The following HSD17B12 variants were observed in gnomAD, a reference collection of about 807,000 sequenced individuals.
HSD17B12 encodes the protein very-long-chain 3-oxoacyl-CoA reductase.
In HSD17B12, 32 loss-of-function variants were observed where a neutral mutation model predicts 39.3. The observed-to-expected ratio is 0.81, with a 90% CI of 0.61 to 1.09. HSD17B12 has a LOEUF of 1.09. Among genes scored for constraint, HSD17B12 ranks in the 50% least tolerant of loss-of-function variants. The probability of loss-of-function intolerance (pLI) is 0.00; values close to 1 mark genes in which losing one functional copy is unlikely to be tolerated. For missense variants in HSD17B12, 342 were observed against 382.9 expected, an observed-to-expected ratio of 0.89 and a Z score of 0.89; for synonymous variants, 150 against 146.7, an observed-to-expected ratio of 1.02 and a Z score of -0.16.
At chr11:43,585,852 C>T in the HSD17B12 span, among the ~76,000 whole-genome samples, 3 of 152,080 alleles carry the variant, frequency 2.0e-5, no homozygotes, top group East Asian at 1.9e-4. Context: ...TGGTGGGAGT[C>T]GGGTGGTGAT....
At chr11:43,637,764 T>C in the HSD17B12 span, among the ~76,000 whole-genome samples, 2 of 152,212 alleles carry the variant, frequency 1.3e-5, no homozygotes, top group African/African-American at 2.4e-5. Flanking sequence ...AGAAACACAG[T>C]GTCCATGAGC....
At chr11:43,642,609 A>G in the HSD17B12 span, among the ~76,000 whole-genome samples, 2 of 151,836 alleles carry the variant, frequency 1.3e-5, no homozygotes, top group Non-Finnish European at 3.0e-5. Context: ...AGAATAATAT[A>G]TAAAATACGC....
At chr11:43,839,804 A>C (rs1477115192) in intron 8 of HSD17B12, among the ~76,000 whole-genome samples, 195 bp from the exon 9 acceptor site, 1 of 152,192 alleles carries the variant, frequency 6.6e-6, no homozygotes, top group African/African-American at 2.4e-5. Context: ...GTAATATAAT[A>C]CTTCATTTAG....
intron 1 of HSD17B12, among the ~76,000 whole-genome samples, chr11:43,726,605 AGT>A (rs1300171958): frequency 6.6e-6 from 1 of 152,126 alleles, no homozygotes; most frequent in African/African-American, 2.4e-5. Flanking sequence ...TCATAGGGAG[AGT>A]GTCTTTTGTT....
intron 1 of HSD17B12, among the ~76,000 whole-genome samples, chr11:43,693,622 C>G: frequency 6.6e-6 from 1 of 152,070 alleles, no homozygotes; most frequent in South Asian, 2.1e-4. Context: ...CACTTAATTC[C>G]CAAGGAAATA....
Position 43,789,014 on chromosome 11 carries a change from T to C in HSD17B12, c.284-9306T>C, listed in dbSNP as rs935445239. ...ACCTCCACCAGCTGTCTTCTACGAA[T>C]TTTCTTTCCGCTTCTCTGTGCCATC... On this transcript the variant is annotated intron_variant, in intron 3 of 10. Coordinates refer to ENST00000278353, the MANE Select transcript of HSD17B12 (RefSeq NM_016142.3). Among the ~76,000 whole-genome samples the C allele has an allele frequency of 3.3e-5, 5 of 152,318 alleles. No individual in the cohort carries two copies. In the East Asian group the frequency reaches 9.6e-4, roughly 29 times the overall value.
chr11:43,560,910 AT>A, the HSD17B12 span, among the ~76,000 whole-genome samples: 1 of 152,138 alleles, frequency 6.6e-6, no homozygotes, highest in Admixed American at 6.5e-5. Flanking sequence ...CAAGCGAATA[AT>A]TGAATCCGCA....
the HSD17B12 span, among the ~76,000 whole-genome samples, chr11:43,651,863 CT>C: frequency 6.6e-6 from 1 of 152,208 alleles, no homozygotes; most frequent in Non-Finnish European, 1.5e-5. Flanking sequence ...CAGGCATGAG[CT>C]ACTGTGCTCA....
At chr11:43,596,169 G>A in the HSD17B12 span, among the ~76,000 whole-genome samples, 2 of 152,110 alleles carry the variant, frequency 1.3e-5, no homozygotes, top group African/African-American at 4.8e-5. Context: ...AGCATTACAG[G>A]AGTGAGCCAC....
chr11:43,659,485 C>T, the HSD17B12 span, among the ~76,000 whole-genome samples: 1 of 152,322 alleles, frequency 6.6e-6, no homozygotes, highest in African/African-American at 2.4e-5. Context: ...CTGCATCGCT[C>T]ACGCTGGGAG....
chr11:43,709,765 C>T (rs1565057923), intron 1 of HSD17B12, among the ~76,000 whole-genome samples: 1 of 152,192 alleles, frequency 6.6e-6, no homozygotes, highest in Admixed American at 6.5e-5. Context: ...TATGAATTGA[C>T]TATGACTCCC....
intron 1 of HSD17B12, among the ~76,000 whole-genome samples, chr11:43,716,150 C>A (rs951397297): frequency 6.6e-6 from 1 of 152,120 alleles, no homozygotes; most frequent in South Asian, 2.1e-4. Flanking sequence ...GATTAAATTG[C>A]ATTTGCCCTT....
Position 43,808,312 on chromosome 11 carries a change from G to T in HSD17B12, c.392-7125G>T, listed in dbSNP as rs535616561. 1.4e-3 allele frequency among the ~76,000 whole-genome samples: 208 copies of T among 149,586 alleles called. 1 individual carries two copies. The highest frequency in any genetic ancestry group is 5.3e-3 in the South Asian group (25 of 4,760). On this transcript the variant is annotated intron_variant, in intron 4 of 10. Coordinates refer to ENST00000278353, the MANE Select transcript of HSD17B12 (RefSeq NM_016142.3). ...TGGATTTTTTTTTTTTTTTTAATGTGCTAGGAGACTCATCAGGAACATTAT... is the reference window on the plus strand; with the variant it reads ...TGGATTTTTTTTTTTTTTTTAATGTTCTAGGAGACTCATCAGGAACATTAT...
chr11:43,647,195 G>A, the HSD17B12 span, among the ~76,000 whole-genome samples: 1 of 151,754 alleles, frequency 6.6e-6, no homozygotes, highest in East Asian at 1.9e-4. Context: ...GGAACAGAGT[G>A]TATCTGTTTG....
At chr11:43,600,951 T>A in the HSD17B12 span, among the ~76,000 whole-genome samples, 1 of 151,954 alleles carries the variant, frequency 6.6e-6, no homozygotes, top group Non-Finnish European at 1.5e-5. Context: ...TTATTATTGA[T>A]CACTTTATCC....
At chr11:43,598,038 G>A in the HSD17B12 span, among the ~76,000 whole-genome samples, 2 of 152,140 alleles carry the variant, frequency 1.3e-5, no homozygotes, top group East Asian at 1.9e-4. Flanking sequence ...ATGACCAGGA[G>A]TGATCTACTC....
chr11:43,687,326 T>A (rs1383222926), intron 1 of HSD17B12, among the ~76,000 whole-genome samples: 1 of 152,198 alleles, frequency 6.6e-6, no homozygotes, highest in African/African-American at 2.4e-5. Flanking sequence ...TGCCCATTTA[T>A]CCACCACAAA....
chr11:43,661,060 G>A, the HSD17B12 span, among the ~76,000 whole-genome samples: 1 of 152,166 alleles, frequency 6.6e-6, no homozygotes, highest in Admixed American at 6.5e-5. Context: ...GGTTGGCAGA[G>A]GTTGCAGTGA....
chr11:43,676,806 A>T (rs1949698073), upstream of HSD17B12, among the ~76,000 whole-genome samples: 1 of 152,222 alleles, frequency 6.6e-6, no homozygotes. Context: ...ACAGACAGAC[A>T]TATGCAACAA....
Sources: allele counts gnomAD v4.1 joint callset (sites outside exome capture counted in the v4.1 genomes callset), GRCh38; gene constraint gnomAD v4.1.1; transcripts MANE v1.5; gene names NCBI Gene and HGNC (gene_info 2026-07-23, HGNC 2026-07-21).